DPEP2: variants seen among roughly 807,000 people sequenced by gnomAD.
DPEP2 encodes dipeptidase 2.
Under a neutral mutation model 51.8 loss-of-function variants are expected in DPEP2, and 45 were observed. The ratio of observed to expected loss-of-function variants is 0.87; its 90% CI spans 0.68 to 1.11. The LOEUF is 1.11. Among genes scored for constraint, DPEP2 ranks in the 50% most tolerant of loss-of-function variants. The pLI, the probability that DPEP2 is intolerant of heterozygous loss-of-function variation, is 0.00. For missense variants in DPEP2, 604 were observed against 631.9 expected (o/e 0.96, Z 0.47); for synonymous variants, 255 against 262.7 (o/e 0.97, Z 0.28).
Position 67,992,211 on chromosome 16 carries a change from G to C in DPEP2, c.391-18C>G, listed in dbSNP as rs2032259738. The stretch of plus-strand genomic sequence containing the variant: ...GACCAGAACTGGGGGGAAGGCCAGG[G>C]TTTGGCTTGGATGGGGGCTGCTTTG... On this transcript the variant is annotated intron_variant, in intron 3 of 10. Transcript: ENST00000393847. 2 of 1,612,796 alleles carry C rather than the reference G, an allele frequency of 1.2e-6. No individual in the cohort carries two copies.
At chr16:67,994,198 C>A in intron 1 of DPEP2, 1 of 985,482 alleles carries the variant, frequency 1.0e-6, no homozygotes, top group Non-Finnish European at 1.2e-6. Flanking sequence ...GGCCAGGATA[C>A]CTCCTACCTC....
chr16:67,988,779 G>A (rs367829389), intron 9 of DPEP2, among the ~76,000 whole-genome samples: 1 of 152,078 alleles, frequency 6.6e-6, no homozygotes, highest in South Asian at 2.1e-4. Flanking sequence ...TGGGCATGAT[G>A]ACACATGCCT....
chr16:67,989,927 G>A (rs964447311), intron 8 of DPEP2, 120 bp downstream of exon 8: 1 of 981,932 alleles, frequency 1.0e-6, no homozygotes, highest in South Asian at 1.6e-5. Context: ...TGTGACCAAT[G>A]TGCTGTGTAC....
chr16:67,993,600 G>T, intron 1 of DPEP2: 7 of 1,000,496 alleles, frequency 7.0e-6, no homozygotes, highest in Non-Finnish European at 8.3e-6. Flanking sequence ...TAAGAGAGAG[G>T]GCCTGGGGTG....
chr16:67,993,568 T>C, intron 1 of DPEP2: 2 of 1,036,080 alleles, frequency 1.9e-6, no homozygotes, highest in Non-Finnish European at 1.2e-6. Flanking sequence ...GTGGCTCCTC[T>C]GCTGCCCCTA....
In DPEP2 at chr16:67,990,963, A is replaced by G. The variant is rs530061182; in HGVS notation, c.767T>C (p.Met256Thr). 3.1e-6 allele frequency: 5 copies of G among 1,614,228 alleles called. No individual in the cohort carries two copies. Among genetic ancestry groups the G allele is most frequent in the East Asian group, 4.5e-5 (2 of 44,892 alleles). ...VVAEMNRLGMMVDLSHVSDAV... is the reference protein window; with the variant it reads ...VVAEMNRLGMTVDLSHVSDAV... ...ATCTGAGACATGGGATAAGTCTACCATCATGCCCAGGCGGTTCATTTCTGC... is the reference window on the plus strand; with the variant it reads ...ATCTGAGACATGGGATAAGTCTACCGTCATGCCCAGGCGGTTCATTTCTGC... Residue 256 changes from methionine to threonine, a missense_variant, in exon 7 of 11, where the codon ATG (methionine) becomes ACG (threonine). Met to Thr is a moderately conservative substitution (Grantham distance 81, BLOSUM62 -1). Transcript: ENST00000393847.
intron 7 of DPEP2, 80 bp downstream of exon 7, chr16:67,990,740 AG>A: frequency 6.8e-7 from 1 of 1,480,740 alleles, no homozygotes; most frequent in Non-Finnish European, 9.2e-7. Context: ...CTGGGATTAC[AG>A]GTGTGAGCCA....
At chr16:67,994,910 G>A in intron 1 of DPEP2, 1 of 985,360 alleles carries the variant, frequency 1.0e-6, no homozygotes, top group Non-Finnish European at 1.2e-6. Flanking sequence ...GTCTTTTTTT[G>A]TTTGTTTTGA....
chr16:67,994,539 G>T (rs2032553680), intron 1 of DPEP2: 2 of 985,390 alleles, frequency 2.0e-6, no homozygotes, highest in African/African-American at 1.7e-5. Context: ...CGTCCTCAGA[G>T]ACCTTTGCCT....
rs765853575 is a variant in DPEP2 at position 67,992,679 on chromosome 16, T to TA, written c.264-44_264-43insT. Reference sequence around the variant, plus strand: ...CAGGGTCAGGTGAAGAACAGACAGATGGGCCTCTTAGCCCTCCAGTTCAGG... The same window carrying TA: ...CAGGGTCAGGTGAAGAACAGACAGATAGGGCCTCTTAGCCCTCCAGTTCAGG... On this transcript the variant is annotated intron_variant, in intron 2 of 10. Transcript: ENST00000393847. 3.1e-6 allele frequency: 5 copies of TA among 1,597,294 alleles called. No homozygotes were observed. In the African/African-American group the frequency reaches 6.7e-5, roughly 21 times the overall value.
chr16:67,991,437 G>T lies in DPEP2; in HGVS notation c.663-253C>A, dbSNP rs138770216. Among the ~76,000 whole-genome samples the T allele has an allele frequency of 6.7e-5, 10 of 148,950 alleles. No homozygotes were observed. Among genetic ancestry groups the T allele is most frequent in the Non-Finnish European group, 1.3e-4 (9 of 67,640 alleles). On this transcript the variant is annotated intron_variant, in intron 5 of 10. Transcript: ENST00000393847. This position sits in a 1 kb window ranked among gnomAD's most constrained non-coding sequence, Gnocchi z 5.1. Reference sequence around the variant, plus strand: ...CAGGCAGGAGTGCAGTGGTGCTGTCGTGCCATCTCAGCTCACTGAAACCTG... The same window carrying T: ...CAGGCAGGAGTGCAGTGGTGCTGTCTTGCCATCTCAGCTCACTGAAACCTG...
In DPEP2 at chr16:67,987,874, C is replaced by T. The variant is rs144454541; in HGVS notation, c.1184G>A (p.Arg395Gln). Residue 395 changes from arginine (R) to glutamine (Q), a missense_variant, in exon 10 of 11, where the codon CGG becomes CAG. By Grantham distance (43) the Arg-to-Gln change is conservative (BLOSUM62 1). Coordinates refer to ENST00000393847, the MANE Select transcript of DPEP2 (RefSeq NM_022355.4). ...TACCTTTTCCACTTGTCTGAAGACC[C>T]GCAGCAGGTTTCCACGAAGGACACC... ...LQGVLRGNLL[R>Q]VFRQVEKVQE... The T allele has an allele frequency of 3.1e-5, 50 of 1,614,044 alleles. No individual in the cohort carries two copies. The African/African-American group carries it at 3.7e-4, about 12-fold the overall frequency.
At position 67,992,958 on chromosome 16, in the gene DPEP2, G is replaced by A. The variant is rs141447841; in HGVS notation, c.255C>T (p.Leu85=). The A allele has an allele frequency of 6.0e-5, 96 of 1,610,762 alleles. No individual in the cohort carries two copies. The highest frequency in any genetic ancestry group is 7.6e-5 in the Non-Finnish European group (90 of 1,178,508). Residue 85 remains leucine (L), a synonymous_variant, in exon 2 of 11, where the codon CTC becomes CTT. Coordinates refer to ENST00000393847, the MANE Select transcript of DPEP2 (RefSeq NM_022355.4). ...TTGCAGCAATTACGCACCCGTCCACGAGCGGGAAGTCCCGCATCAGGGCCC... is the reference window on the plus strand; with the variant it reads ...TTGCAGCAATTACGCACCCGTCCACAAGCGGGAAGTCCCGCATCAGGGCCC... ...QARALMRDFP[L]VDGHNDLPLV...
At position 67,993,430 on chromosome 16, in the gene DPEP2, C is replaced by T. The variant is rs568851799; in HGVS notation, c.-45-173G>A. The stretch of plus-strand genomic sequence containing the variant: ...GCCACCAGGGGGCGCCCAGCCCTCC[C>T]GCCGTCATCCCCAAGGGCGCTCCCG... On this transcript the variant is annotated intron_variant, in intron 1 of 10. Transcript: ENST00000393847. 126 of 1,260,034 alleles carry T rather than the reference C, an allele frequency of 1.0e-4. No homozygotes were observed. In the South Asian group the frequency reaches 3.6e-3, roughly 36 times the overall value. 78.1% of individuals were successfully genotyped at this position (1,260,034 alleles called of 1,614,324 possible).
At chr16:67,992,769 C>T (rs1260946783) in intron 2 of DPEP2, 133 bp from the exon 3 acceptor site, 39 of 1,501,946 alleles carry the variant, frequency 2.6e-5, no homozygotes, top group South Asian at 2.2e-4. Flanking sequence ...CCCTGAGGCC[C>T]GGGCTAGGAG....
upstream of DPEP2, chr16:67,999,781 C>T (rs1162118811): frequency 3.9e-5 from 6 of 152,162 alleles, no homozygotes; most frequent in African/African-American, 1.2e-4. Flanking sequence ...GTGGTGCATG[C>T]CTGTGGTTCC....
intron 1 of DPEP2, among the ~76,000 whole-genome samples, chr16:67,996,975 C>T (rs2032731613): frequency 6.7e-6 from 1 of 149,976 alleles, no homozygotes; most frequent in Non-Finnish European, 1.5e-5. Flanking sequence ...GGGCAAGACC[C>T]TGTCTGTAAA....
chr16:67,992,218 T>C, intron 3 of DPEP2, 25 bp from the exon 4 acceptor site: 1 of 1,612,016 alleles, frequency 6.2e-7, no homozygotes, highest in Non-Finnish European at 8.5e-7. Flanking sequence ...AGGGTTTGGC[T>C]TGGATGGGGG....
In DPEP2 at chr16:67,991,053, T is replaced by C; in HGVS notation, c.733-56A>G. The stretch of plus-strand genomic sequence containing the variant: ...GGGGTGCACATGTGTATACATTTAT[T>C]TGTAAGAAACAGCTGGGGTGTGCAC... On this transcript the variant is annotated intron_variant, in intron 6 of 10. Coordinates refer to ENST00000393847, the MANE Select transcript of DPEP2 (RefSeq NM_022355.4). The surrounding 1 kb of genome is among the most constrained non-coding windows in gnomAD (Gnocchi z 5.1). The C allele has an allele frequency of 1.2e-6, 2 of 1,614,096 alleles. No individual in the cohort carries two copies. Among genetic ancestry groups the C allele is most frequent in the Non-Finnish European group, 1.7e-6 (2 of 1,179,932 alleles).
Sources: gnomAD v4.1 joint callset for allele counts (sites outside exome capture counted in the v4.1 genomes callset) on GRCh38, gnomAD v4.1.1 for gene constraint, Gnocchi (gnomAD v3.1) non-coding constraint, MANE v1.5 for transcripts, NCBI Gene and HGNC (gene_info 2026-07-23, HGNC 2026-07-21) for gene names.